LAMA2: variants seen among roughly 807,000 people sequenced by gnomAD.
LAMA2 encodes the protein laminin subunit alpha 2, also known as laminin subunit alpha-2.
LAMA2 carries 269 observed loss-of-function variants against 364.8 expected under a neutral mutation model. The ratio of observed to expected loss-of-function variants is 0.74; its 90% CI spans 0.67 to 0.82. The LOEUF (loss-of-function observed/expected upper bound fraction) is 0.82, where lower values mean the gene tolerates loss of function less well. LAMA2 is among the 40% of genes least tolerant of loss of function. The probability of loss-of-function intolerance (pLI) is 0.00; values close to 1 mark genes in which losing one functional copy is unlikely to be tolerated. For missense variants in LAMA2, 3,807 were observed against 3,873.2 expected (o/e 0.98, Z 0.45); for synonymous variants, 1,379 against 1,370.6 (o/e 1.01, Z -0.14).
At chr6:129,208,898 C>CA (rs1782901751) in intron 12 of LAMA2, among the ~76,000 whole-genome samples, 1 of 152,168 alleles carries the variant, frequency 6.6e-6, no homozygotes, top group Non-Finnish European at 1.5e-5. Flanking sequence ...AACTGACTGT[C>CA]AGGACCTGTC....
intron 17 of LAMA2, among the ~76,000 whole-genome samples, chr6:129,279,843 G>A (rs968158722): frequency 6.6e-6 from 1 of 152,044 alleles, no homozygotes; most frequent in Non-Finnish European, 1.5e-5. Flanking sequence ...CATGTCACAG[G>A]GATACTGCTC....
At chr6:129,481,506 G>T in intron 55 of LAMA2, 67 bp downstream of exon 55, 2 of 1,310,266 alleles carry the variant, frequency 1.5e-6, no homozygotes, top group East Asian at 4.6e-5. Flanking sequence ...ACTTACTTTT[G>T]TATTTTTAGT....
intron 1 of LAMA2, among the ~76,000 whole-genome samples, chr6:128,948,246 C>T (rs1411402902): frequency 6.6e-6 from 1 of 152,046 alleles, no homozygotes; most frequent in South Asian, 2.1e-4. Flanking sequence ...GAAAGCCACC[C>T]TGAAATTTCA....
chr6:129,265,634 C>A (rs1279311574), intron 15 of LAMA2, among the ~76,000 whole-genome samples: 3 of 148,226 alleles, frequency 2.0e-5, no homozygotes, highest in Non-Finnish European at 3.0e-5. Flanking sequence ...AGAAATTTGA[C>A]AATTTTGGGT....
At chr6:129,398,148 T>C (rs1303560321) in intron 37 of LAMA2, among the ~76,000 whole-genome samples, 3 of 152,196 alleles carry the variant, frequency 2.0e-5, no homozygotes, top group Non-Finnish European at 2.9e-5. Flanking sequence ...ATTACCTTGA[T>C]CCATTAATTC....
intron 1 of LAMA2, among the ~76,000 whole-genome samples, chr6:129,038,173 T>G (rs1359552236): frequency 2.0e-5 from 3 of 152,232 alleles, no homozygotes; most frequent in Admixed American, 6.5e-5. Flanking sequence ...CTTCTGATCA[T>G]GGTCATTGTA....
At chr6:129,135,932 A>G (rs551505884) in intron 4 of LAMA2, among the ~76,000 whole-genome samples, 31 of 152,354 alleles carry the variant, frequency 2.0e-4, no homozygotes, top group Non-Finnish European at 3.5e-4. Context: ...ACACAAAGAT[A>G]AATACAATAT....
At chr6:129,046,172 T>C (rs1363041534) in intron 1 of LAMA2, among the ~76,000 whole-genome samples, 1 of 152,200 alleles carries the variant, frequency 6.6e-6, no homozygotes, top group Non-Finnish European at 1.5e-5. Flanking sequence ...TAAATTAAAT[T>C]TTTAAAGAAC....
intron 1 of LAMA2, among the ~76,000 whole-genome samples, chr6:128,912,888 C>T (rs971338396): frequency 2.0e-5 from 3 of 152,050 alleles, no homozygotes; most frequent in Admixed American, 1.3e-4. Context: ...AAGAGAATTT[C>T]GATGGGCAGA....
Position 129,350,605 on chromosome 6 carries a change from C to T in LAMA2, c.4523+1221C>T, listed in dbSNP as rs6923268. ...CTAAGACTGGGACATCACCTGAAAT[C>T]ATACCCTTGATTAGAGCTTTTCTTT... On this transcript the variant is annotated intron_variant, in intron 31 of 64. Coordinates refer to ENST00000421865, the MANE Select transcript of LAMA2 (RefSeq NM_000426.4). 8.8e-3 allele frequency among the ~76,000 whole-genome samples: 1,348 copies of T among 152,318 alleles called. 20 individuals carry two copies. Among genetic ancestry groups the T allele is most frequent in the African/African-American group, 0.031 (1,296 of 41,558 alleles).
chr6:128,960,369 G>A (rs1424287646), intron 1 of LAMA2, among the ~76,000 whole-genome samples: 16 of 125,304 alleles, frequency 1.3e-4, no homozygotes, highest in African/African-American at 1.9e-4. Context: ...ACAAAGTCTC[G>A]CTCTTGTCCC....
At chr6:128,924,346 A>G (rs964062365) in intron 1 of LAMA2, among the ~76,000 whole-genome samples, 2 of 152,150 alleles carry the variant, frequency 1.3e-5, no homozygotes, top group African/African-American at 2.4e-5. Context: ...TTTTCCATCC[A>G]AAATCATTCC....
intron 41 of LAMA2, among the ~76,000 whole-genome samples, chr6:129,437,227 T>C (rs1490355695): frequency 1.3e-5 from 2 of 152,138 alleles, no homozygotes; most frequent in Non-Finnish European, 2.9e-5. Context: ...TTATTAACCA[T>C]GCAAGCTTAG....
At chr6:129,412,780 G>A (rs562400381) in intron 40 of LAMA2, among the ~76,000 whole-genome samples, 236 of 152,214 alleles carry the variant, frequency 1.6e-3, no homozygotes, top group Admixed American at 3.2e-3. Flanking sequence ...CCAAGGCAGG[G>A]AAGAGAAAAA....
At chr6:129,148,668 C>T in intron 6 of LAMA2, among the ~76,000 whole-genome samples, 1 of 151,726 alleles carries the variant, frequency 6.6e-6, no homozygotes, top group Admixed American at 6.6e-5. Flanking sequence ...AATCGACCCC[C>T]AAAAAACACA....
intron 10 of LAMA2, among the ~76,000 whole-genome samples, chr6:129,186,668 G>A (rs1781246903): frequency 1.3e-5 from 2 of 151,286 alleles, no homozygotes; most frequent in African/African-American, 2.4e-5. Flanking sequence ...TTTTCTTCGG[G>A]GCATAGTGGA....
chr6:129,503,839 AT>A (rs1785840039), intron 60 of LAMA2, among the ~76,000 whole-genome samples: 1 of 152,208 alleles, frequency 6.6e-6, no homozygotes, highest in Admixed American at 6.5e-5. Context: ...CTAAGGTATC[AT>A]TTCTACTGAC....
chr6:129,192,610 G>A, intron 11 of LAMA2, 70 bp from the exon 12 acceptor site: 1 of 1,450,800 alleles, frequency 6.9e-7, no homozygotes, highest in Non-Finnish European at 9.6e-7. Context: ...ACACGACCAG[G>A]AACATGAAAG....
chr6:129,026,903 GT>G (rs1785867323), intron 1 of LAMA2, among the ~76,000 whole-genome samples: 1 of 152,042 alleles, frequency 6.6e-6, no homozygotes, highest in Admixed American at 6.6e-5. Context: ...GTAGTCATTG[GT>G]GTTTTGACAG....
Sources: allele counts gnomAD v4.1 joint callset (sites outside exome capture counted in the v4.1 genomes callset), GRCh38; gene constraint gnomAD v4.1.1; transcripts MANE v1.5; gene names NCBI Gene and HGNC (gene_info 2026-07-23, HGNC 2026-07-21).